Variants in SYNE2 observed in about 807,000 individuals in gnomAD.
The protein encoded by SYNE2 is nesprin-2.
A neutral mutation model predicts 856.3 loss-of-function variants in SYNE2; 431 were observed. That is an observed-to-expected ratio of 0.50 (90% confidence interval 0.47 to 0.55). The LOEUF (loss-of-function observed/expected upper bound fraction) is 0.55, where lower values mean the gene tolerates loss of function less well. SYNE2 is among the 20% of genes least tolerant of loss of function. The pLI, the probability that SYNE2 is intolerant of heterozygous loss-of-function variation, is 0.00. For synonymous variants in SYNE2, 2,923 were observed against 2,872.3 expected (o/e 1.02, Z -0.56); for missense variants, 8,129 against 8,023.2 (o/e 1.01, Z -0.50).
At chr14:64,204,007 A>C (rs1212905374) in intron 100 of SYNE2, among the ~76,000 whole-genome samples, 2 of 152,160 alleles carry the variant, frequency 1.3e-5, no homozygotes, top group Non-Finnish European at 2.9e-5. Context: ...AGGCGCCACC[A>C]TGCCTGGCCC....
At chr14:64,133,205 C>CAAAAA (rs34419403) in intron 77 of SYNE2, among the ~76,000 whole-genome samples, 23 of 127,866 alleles carry the variant, frequency 1.8e-4, no homozygotes, top group Middle Eastern at 4.5e-3. Context: ...GACTCTGTCT[C>CAAAAA]AAAAAAAAAA....
chr14:63,761,715 G>GA (rs1194320309), upstream of SYNE2, among the ~76,000 whole-genome samples: 1 of 152,146 alleles, frequency 6.6e-6, no homozygotes, highest in Non-Finnish European at 1.5e-5. Context: ...TGCTTCTGGA[G>GA]AAAAAAGGGG....
chr14:64,142,128 A>C, intron 82 of SYNE2, 40 bp downstream of exon 82: 2 of 1,611,624 alleles, frequency 1.2e-6, no homozygotes, highest in Non-Finnish European at 1.7e-6. Flanking sequence ...TCATTGAAAC[A>C]AGAAGGCTAA....
At chr14:63,900,141 T>C (rs1236469719) in intron 1 of SYNE2, among the ~76,000 whole-genome samples, 1 of 152,210 alleles carries the variant, frequency 6.6e-6, no homozygotes, top group East Asian at 1.9e-4. Flanking sequence ...GATCATGGGT[T>C]AAGTGGGTGG....
chr14:64,070,477 T>C (rs888108386), intron 51 of SYNE2, among the ~76,000 whole-genome samples, 168 bp from the exon 52 acceptor site: 1 of 152,236 alleles, frequency 6.6e-6, no homozygotes, highest in African/African-American at 2.4e-5. Flanking sequence ...CTGGGCATTA[T>C]GGGATTCTGA....
At chr14:64,031,630 A>G (rs1460982910) in intron 45 of SYNE2, among the ~76,000 whole-genome samples, 1 of 152,250 alleles carries the variant, frequency 6.6e-6, no homozygotes. Context: ...TCTTGGGTCA[A>G]GAGCACAAAG....
chr14:63,909,379 CTT>C, intron 2 of SYNE2, 152 bp downstream of exon 2: 1 of 536,070 alleles, frequency 1.9e-6, no homozygotes, highest in Non-Finnish European at 3.3e-6. Flanking sequence ...ATTTAAATGT[CTT>C]TATTTCTGCC....
At chr14:64,116,386 A>G (rs901946926) in intron 66 of SYNE2, among the ~76,000 whole-genome samples, 1 of 152,164 alleles carries the variant, frequency 6.6e-6, no homozygotes, top group African/African-American at 2.4e-5. Context: ...TCAGTTGTCA[A>G]CATATAAGCT....
At chr14:63,818,046 A>AAAC (rs1889071396) in intron 1 of SYNE2, among the ~76,000 whole-genome samples, 1 of 145,664 alleles carries the variant, frequency 6.9e-6, no homozygotes, top group Admixed American at 6.9e-5. Flanking sequence ...AAAAAAAAAA[A>AAAC]CAAATAAATA....
chr14:64,162,334 G>T, intron 88 of SYNE2, 58 bp downstream of exon 88: 1 of 1,559,880 alleles, frequency 6.4e-7, no homozygotes, highest in South Asian at 1.1e-5. Flanking sequence ...GATGGGGTAA[G>T]GGACAGCCAT....
intron 38 of SYNE2, 200 bp downstream of exon 38, chr14:64,023,063 C>G (rs2096949135): frequency 5.3e-6 from 3 of 561,096 alleles, no homozygotes; most frequent in Non-Finnish European, 6.4e-6. Context: ...GTAAAAGGTT[C>G]ACCAAGCTCA....
chr14:63,798,533 ACAGGCATGTAC>A (rs1194224758), intron 1 of SYNE2, among the ~76,000 whole-genome samples: 1 of 151,728 alleles, frequency 6.6e-6, no homozygotes, highest in Admixed American at 6.6e-5. Context: ...AGCTAGTACT[ACAGGCATGTAC>A]CACCATACCC....
intron 1 of SYNE2, among the ~76,000 whole-genome samples, chr14:63,763,718 G>T (rs1886576084): frequency 6.6e-6 from 1 of 152,138 alleles, no homozygotes; most frequent in South Asian, 2.1e-4. Flanking sequence ...AGGCAGGAGT[G>T]CAATGGCATG....
Position 63,981,056 on chromosome 14 carries a change from T to C in SYNE2, c.1719T>C (p.Asn573=). Residue 573 remains asparagine, a synonymous_variant, in exon 16 of 116, where the codon AAT becomes AAC. Transcript: ENST00000555002. ...CTGATGTTTGTATGTATAGAAAAAA[T>C]ATATATAATGTGAAGTCCACTCTAC... ...VKSDVCMYRK[N]IYNVKSTLQK... The C allele has an allele frequency of 6.3e-7, 1 of 1,593,104 alleles. No homozygotes were observed. The highest frequency in any genetic ancestry group is 8.6e-7 in the Non-Finnish European group (1 of 1,161,404).
At position 64,220,468 on chromosome 14, in the gene SYNE2, C is replaced by T. The variant is rs747881699; in HGVS notation, c.19892C>T (p.Ala6631Val). Residue 6631 changes from alanine (A) to valine (V), a missense_variant, in exon 111 of 116, where the codon GCA becomes GTA. Physicochemically the swap from Ala to Val is moderately conservative, Grantham distance 64. Coordinates refer to ENST00000555002, the MANE Select transcript of SYNE2 (RefSeq NM_182914.3). ...CTGAAAGCCTTTGACACTTACAAGG[C>T]ATTAGTGGTCTCTGTCAACGTGAGC... ...EILKAFDTYK[A>V]LVVSVNVSSK... The T allele has an allele frequency of 9.3e-6, 15 of 1,614,196 alleles. No homozygotes were observed. The highest frequency in any genetic ancestry group is 1.3e-5 in the Non-Finnish European group (15 of 1,180,040).
Position 64,122,031 on chromosome 14 carries a change from T to C in SYNE2, c.13178T>C (p.Met4393Thr). The C allele has an allele frequency of 1.2e-6, 2 of 1,613,702 alleles. No homozygotes were observed. The highest frequency in any genetic ancestry group is 2.2e-5 in the South Asian group (2 of 91,084). The change falls in exon 69 of 116, where the codon ATG (methionine) becomes ACG (threonine). Residue 4393 changes from methionine to threonine, a missense_variant. Met to Thr is a moderately conservative substitution (Grantham distance 81, BLOSUM62 -1). Coordinates refer to ENST00000555002, the MANE Select transcript of SYNE2 (RefSeq NM_182914.3). ...TTACAGGTTCTGGAGTTAAAACCAA[T>C]GGAACAGAAAGATTTCATCAAATTC... ...QQQQVLELKP[M>T]EQKDFIKFIE...
chr14:63,974,130 G>A (rs886375020), intron 11 of SYNE2, among the ~76,000 whole-genome samples: 5 of 152,018 alleles, frequency 3.3e-5, no homozygotes. Flanking sequence ...AATTAGACTG[G>A]GTAACAGAAA....
At chr14:63,815,827 C>A (rs568744610) in intron 1 of SYNE2, among the ~76,000 whole-genome samples, 2 of 152,108 alleles carry the variant, frequency 1.3e-5, no homozygotes, top group Non-Finnish European at 2.9e-5. Flanking sequence ...ATGCTTCAAG[C>A]CTCAAATCTA....
In SYNE2 at chr14:63,967,767, T is replaced by C; in HGVS notation, c.1049T>C (p.Leu350Pro). ...GAAAAAAAGTCCTTTTTGGATGTCC[T>C]GTCAATAAAACGGGATCTGGATGAG... ...NEEKKSFLDV[L>P]SIKRDLDELD... is the part of the protein sequence containing the mutation. The change falls in exon 11 of 116, where the codon CTG (leucine) becomes CCG (proline). Residue 350 changes from leucine (L) to proline (P), a missense_variant. Coordinates refer to ENST00000555002, the MANE Select transcript of SYNE2 (RefSeq NM_182914.3). 6.2e-7 allele frequency: 1 copy of C among 1,614,092 alleles called. No homozygotes were observed. Among genetic ancestry groups the C allele is most frequent in the Non-Finnish European group, 8.5e-7 (1 of 1,179,928 alleles).
Sources: gnomAD v4.1 joint callset for allele counts (sites outside exome capture counted in the v4.1 genomes callset) on GRCh38, gnomAD v4.1.1 for gene constraint, MANE v1.5 for transcripts, NCBI Gene and HGNC (gene_info 2026-07-23, HGNC 2026-07-21) for gene names.